Variants in POC1B observed in about 807,000 individuals in gnomAD.
The protein encoded by POC1B is POC1 centriolar protein homolog B.
POC1B carries 44 observed loss-of-function variants against 60.6 expected under a neutral mutation model. That is an observed-to-expected ratio of 0.73 (90% CI 0.57 to 0.93). The LOEUF is 0.93. Ranked by LOEUF, POC1B falls within the 40% of genes least tolerant of loss-of-function variation. The pLI is 0.00. For synonymous variants in POC1B, 180 were observed against 198.9 expected (o/e 0.90, Z 0.80); for missense variants, 555 against 572.3 (o/e 0.97, Z 0.31).
At chr12:89,522,359 A>T (rs1324388174) in intron 2 of POC1B, 1 of 393,128 alleles carries the variant, frequency 2.5e-6, no homozygotes, top group African/African-American at 2.1e-5. Context: ...TGTGCTGGCT[A>T]AAAAAGAAAT....
intron 9 of POC1B, among the ~76,000 whole-genome samples, chr12:89,464,995 G>T (rs1227042179): frequency 6.6e-6 from 1 of 151,822 alleles, no homozygotes; most frequent in Non-Finnish European, 1.5e-5. Flanking sequence ...CTACCTTAAG[G>T]TCACAAAAAA....
chr12:89,422,697 T>C (rs1364733477), intron 11 of POC1B, among the ~76,000 whole-genome samples: 1 of 152,224 alleles, frequency 6.6e-6, no homozygotes, highest in Non-Finnish European at 1.5e-5. Flanking sequence ...ATTCTATTAT[T>C]AAAACATTCT....
At chr12:89,521,607 G>A (rs1354023649) in intron 2 of POC1B, 1 of 166,068 alleles carries the variant, frequency 6.0e-6, no homozygotes, top group Non-Finnish European at 1.3e-5. Flanking sequence ...ATCCAATCCA[G>A]CACCCACATT....
chr12:89,459,677 A>T lies in POC1B; in HGVS notation c.1074T>A (p.Thr358=). 1 of 1,534,448 alleles carries T rather than the reference A, an allele frequency of 6.5e-7. No homozygotes were observed. ...KLEVIDLQIS[T]PPVMDILSFD... ...AAGAAAGGATATCCATAACAGGGGG[A>T]GTAGAGATCTGCAAATCGATTACCT... The change falls in exon 10 of 12, where the codon ACT becomes ACA. Residue 358 remains threonine, a synonymous_variant. Transcript: ENST00000313546.
chr12:89,522,751 T>C, intron 2 of POC1B: 1 of 1,515,332 alleles, frequency 6.6e-7, no homozygotes, highest in Non-Finnish European at 8.8e-7. Context: ...TCACTGAGGC[T>C]CTTAAGGCTC....
chr12:89,443,495 G>GA (rs1881624227), intron 10 of POC1B, among the ~76,000 whole-genome samples: 1 of 151,964 alleles, frequency 6.6e-6, no homozygotes, highest in East Asian at 1.9e-4. Context: ...ACCTGCTCCT[G>GA]AATGACTACT....
At chr12:89,458,678 A>G (rs1306042178) in intron 10 of POC1B, among the ~76,000 whole-genome samples, 4 of 152,216 alleles carry the variant, frequency 2.6e-5, no homozygotes, top group South Asian at 2.1e-4. Context: ...CTTGAGATCT[A>G]TTAGAGAATT....
At chr12:89,484,070 G>C (rs1361504197) in intron 4 of POC1B, among the ~76,000 whole-genome samples, 1 of 152,164 alleles carries the variant, frequency 6.6e-6, no homozygotes, top group East Asian at 1.9e-4. Flanking sequence ...ATTAATTCAG[G>C]AGTAGACTGT....
chr12:89,503,258 G>A (rs917694265), intron 2 of POC1B, among the ~76,000 whole-genome samples: 15 of 147,888 alleles, frequency 1.0e-4, no homozygotes, highest in Admixed American at 2.0e-4. Context: ...GCGATTGCAG[G>A]CACGCGCCGC....
At chr12:89,491,080 G>T (rs190061676) in intron 4 of POC1B, among the ~76,000 whole-genome samples, 1 of 152,112 alleles carries the variant, frequency 6.6e-6, no homozygotes, top group African/African-American at 2.4e-5. Context: ...ACAAGTCAGC[G>T]CTGCTCTTGA....
At chr12:89,426,669 C>CA (rs1210627266) in intron 10 of POC1B, 1 of 151,730 alleles carries the variant, frequency 6.6e-6, no homozygotes, top group African/African-American at 2.4e-5. Context: ...ACTAAAAATA[C>CA]AAAAATTAGC....
chr12:89,524,685 C>G (rs1188911529), intron 2 of POC1B: 8 of 939,070 alleles, frequency 8.5e-6, no homozygotes, highest in Non-Finnish European at 8.0e-6. Flanking sequence ...TCCTTTCCAG[C>G]CACCCAGGCT....
chr12:89,502,806 T>C, intron 2 of POC1B: 1 of 1,315,724 alleles, frequency 7.6e-7, no homozygotes, highest in African/African-American at 1.5e-5. Context: ...TTTGGTGACC[T>C]TTCGTGTACT....
At chr12:89,523,708 C>A in intron 2 of POC1B, 1 of 1,545,666 alleles carries the variant, frequency 6.5e-7, no homozygotes, top group Non-Finnish European at 8.7e-7. Flanking sequence ...AAATGTTAAA[C>A]GCCAGTCAAA....
At chr12:89,413,874 GTTTATTTA>G in the POC1B span, among the ~76,000 whole-genome samples, 91 of 151,764 alleles carry the variant, frequency 6.0e-4, 1 homozygote, top group African/African-American at 2.1e-3. Flanking sequence ...TTATTTATTT[GTTTATTTA>G]TTTATTTATT....
intron 8 of POC1B, among the ~76,000 whole-genome samples, 158 bp from the exon 9 acceptor site, chr12:89,467,080 T>C (rs1403121187): frequency 6.6e-6 from 1 of 152,080 alleles, no homozygotes; most frequent in Non-Finnish European, 1.5e-5. Flanking sequence ...TTTTTTAAGG[T>C]GTGGTTGAGG....
intron 2 of POC1B, among the ~76,000 whole-genome samples, chr12:89,504,362 A>C (rs1369494049): frequency 1.3e-4 from 20 of 152,180 alleles, no homozygotes; most frequent in Non-Finnish European, 2.1e-4. Flanking sequence ...AAATGGATTA[A>C]GGGCGGTGCA....
chr12:89,496,116 G>A (rs1291850480), intron 3 of POC1B, among the ~76,000 whole-genome samples: 1 of 152,072 alleles, frequency 6.6e-6, no homozygotes, highest in Non-Finnish European at 1.5e-5. Flanking sequence ...GAAGCCCTGA[G>A]CTTGTTTTTC....
chr12:89,476,565 G>A (rs1338570940), intron 4 of POC1B, among the ~76,000 whole-genome samples: 1 of 151,996 alleles, frequency 6.6e-6, no homozygotes, highest in Non-Finnish European at 1.5e-5. Flanking sequence ...AAAATTAGCT[G>A]GGCCTGGTGG....
Sources: allele counts gnomAD v4.1 joint callset (sites outside exome capture counted in the v4.1 genomes callset), GRCh38; gene constraint gnomAD v4.1.1; transcripts MANE v1.5; gene names NCBI Gene and HGNC (gene_info 2026-07-23, HGNC 2026-07-21).